Variants in ANKRD28 observed in about 807,000 individuals in gnomAD.
ANKRD28 encodes ankyrin repeat domain 28.
In ANKRD28, 44 loss-of-function variants were observed where a neutral mutation model predicts 126.5. The observed-to-expected ratio is 0.35, with a 90% CI of 0.27 to 0.45. The LOEUF is 0.45. ANKRD28 is among the 20% of genes least tolerant of loss of function. The probability of loss-of-function intolerance (pLI) is 1.00; values close to 1 mark genes in which losing one functional copy is unlikely to be tolerated. For missense variants in ANKRD28, 1,110 were observed against 1,316.6 expected (o/e 0.84, Z 2.43); for synonymous variants, 442 against 468.5 (o/e 0.94, Z 0.73).
chr3:15,758,898 A>G (rs1009253582), intron 3 of ANKRD28, among the ~76,000 whole-genome samples: 5 of 152,226 alleles, frequency 3.3e-5, no homozygotes, highest in African/African-American at 4.8e-5. Context: ...TATTTTTTAT[A>G]AAAGGCCAAT....
intron 2 of ANKRD28, among the ~76,000 whole-genome samples, chr3:15,769,462 A>G (rs985818907): frequency 8.5e-5 from 13 of 152,328 alleles, no homozygotes; most frequent in African/African-American, 3.1e-4. Flanking sequence ...AAAAAAGCCT[A>G]CATATCCAGA....
At chr3:15,813,627 C>A (rs1008365246) in intron 1 of ANKRD28, among the ~76,000 whole-genome samples, 1 of 152,150 alleles carries the variant, frequency 6.6e-6, no homozygotes, top group Non-Finnish European at 1.5e-5. Flanking sequence ...ATGTTTGAAT[C>A]TGACATAAGA....
intron 2 of ANKRD28, among the ~76,000 whole-genome samples, chr3:15,771,871 G>A (rs1250838470): frequency 1.3e-5 from 2 of 151,984 alleles, no homozygotes; most frequent in Non-Finnish European, 2.9e-5. Flanking sequence ...AAATTAAATT[G>A]GAAATAAATA....
At chr3:15,851,385 T>TA (rs1325740288) in intron 1 of ANKRD28, among the ~76,000 whole-genome samples, 6 of 150,446 alleles carry the variant, frequency 4.0e-5, no homozygotes, top group South Asian at 2.1e-4. Context: ...CTGCCAAAAA[T>TA]AAAAAAAAAT....
At chr3:15,777,132 G>A (rs1209253035) in intron 2 of ANKRD28, among the ~76,000 whole-genome samples, 1 of 151,972 alleles carries the variant, frequency 6.6e-6, no homozygotes, top group East Asian at 1.9e-4. Context: ...AAATTAGCTG[G>A]GCTTAGCAGT....
intron 7 of ANKRD28, among the ~76,000 whole-genome samples, chr3:15,723,549 T>G (rs1423906676): frequency 2.0e-5 from 3 of 152,110 alleles, no homozygotes; most frequent in Admixed American, 2.0e-4. Flanking sequence ...TTCCAGCACT[T>G]TGGGAGACCA....
chr3:15,751,587 G>C (rs1298691318), intron 4 of ANKRD28, among the ~76,000 whole-genome samples, 163 bp downstream of exon 4: 1 of 152,142 alleles, frequency 6.6e-6, no homozygotes, highest in Non-Finnish European at 1.5e-5. Context: ...AAGAAGAAAT[G>C]AAACAATTAA....
chr3:15,789,015 T>C (rs2059907802), intron 2 of ANKRD28, among the ~76,000 whole-genome samples: 1 of 152,164 alleles, frequency 6.6e-6, no homozygotes, highest in Admixed American at 6.6e-5. Flanking sequence ...AGAGTCCAAC[T>C]GTTCTTCACA....
chr3:15,704,289 C>T (rs903280767), intron 14 of ANKRD28, among the ~76,000 whole-genome samples: 2 of 151,892 alleles, frequency 1.3e-5, no homozygotes, highest in Non-Finnish European at 2.9e-5. Context: ...AGCAGAATGA[C>T]TAGAATGAGT....
intron 4 of ANKRD28, among the ~76,000 whole-genome samples, chr3:15,739,185 C>A (rs2075266418): frequency 6.6e-6 from 1 of 151,998 alleles, no homozygotes; most frequent in African/African-American, 2.4e-5. Flanking sequence ...CCTCAGCTTA[C>A]AAAGATGATG....
intron 1 of ANKRD28, among the ~76,000 whole-genome samples, chr3:15,820,869 A>T (rs2125910755): frequency 6.6e-6 from 1 of 152,232 alleles, no homozygotes; most frequent in Non-Finnish European, 1.5e-5. Context: ...TCCTTTTTTG[A>T]CACTTCCTTC....
At chr3:15,677,123 A>G in intron 25 of ANKRD28, 67 bp from the exon 26 acceptor site, 1 of 1,246,200 alleles carries the variant, frequency 8.0e-7, no homozygotes, top group East Asian at 2.3e-5. Flanking sequence ...ACACCCAACA[A>G]TCTGCAATCC....
chr3:15,720,168 T>C (rs2073548109), intron 8 of ANKRD28, among the ~76,000 whole-genome samples: 1 of 152,118 alleles, frequency 6.6e-6, no homozygotes, highest in South Asian at 2.1e-4. Flanking sequence ...CAGCCCAGAA[T>C]TTTCACATAA....
intron 18 of ANKRD28, among the ~76,000 whole-genome samples, chr3:15,688,552 T>G (rs1363180192): frequency 6.6e-6 from 1 of 152,228 alleles, no homozygotes; most frequent in East Asian, 1.9e-4. Context: ...ATTATTAAAA[T>G]ATTTTTCTCA....
intron 3 of ANKRD28, among the ~76,000 whole-genome samples, chr3:15,760,985 C>CAATCACAAG (rs1469489910): frequency 6.6e-5 from 10 of 152,146 alleles, no homozygotes; most frequent in African/African-American, 2.4e-4. Flanking sequence ...ACAAGTCAGA[C>CAATCACAAG]ATAATAAAAA....
rs529472771 is a variant in ANKRD28 at position 15,844,339 on chromosome 3, C to A, written c.27+15038G>T. ...GACTTCTCAAGAGGTCAGTTTGTGGCGAAAGGGAACCAAACAGATTAGATG... is the reference window on the plus strand; with the variant it reads ...GACTTCTCAAGAGGTCAGTTTGTGGAGAAAGGGAACCAAACAGATTAGATG... On this transcript the variant is annotated intron_variant, in intron 1 of 27. Transcript: ENST00000399451. Among the ~76,000 whole-genome samples the A allele has an allele frequency of 1.1e-4, 17 of 151,640 alleles. 1 individual carries two copies. Among genetic ancestry groups the A allele is most frequent in the Admixed American group, 9.2e-4 (14 of 15,230 alleles).
intron 18 of ANKRD28, among the ~76,000 whole-genome samples, chr3:15,689,422 C>T (rs2068520471): frequency 6.6e-6 from 1 of 152,232 alleles, no homozygotes; most frequent in Admixed American, 6.5e-5. Context: ...GATGAATCCA[C>T]TGCCACTGCC....
At chr3:15,738,927 TTC>T (rs1381713442) in intron 4 of ANKRD28, 1 of 152,212 alleles carries the variant, frequency 6.6e-6, no homozygotes, top group African/African-American at 2.4e-5. Context: ...TAGGAATGCA[TTC>T]TCTTTCTCAG....
intron 1 of ANKRD28, among the ~76,000 whole-genome samples, chr3:15,848,171 A>G (rs924060388): frequency 6.6e-6 from 1 of 152,252 alleles, no homozygotes; most frequent in African/African-American, 2.4e-5. Flanking sequence ...GGCAGATGTT[A>G]GAGAGATTCA....
Sources: gnomAD v4.1 joint callset for allele counts (sites outside exome capture counted in the v4.1 genomes callset) on GRCh38, gnomAD v4.1.1 for gene constraint, MANE v1.5 for transcripts, NCBI Gene and HGNC (gene_info 2026-07-23, HGNC 2026-07-21) for gene names.